Variants in CCDC73 observed in about 807,000 individuals in gnomAD.
CCDC73 encodes the protein coiled-coil domain-containing protein 73.
CCDC73 carries 95 observed loss-of-function variants against 116.5 expected under a neutral mutation model. The ratio of observed to expected loss-of-function variants is 0.82; its 90% CI spans 0.69 to 0.97. The LOEUF (loss-of-function observed/expected upper bound fraction) is 0.97. Ranked by LOEUF, CCDC73 falls within the 50% of genes least tolerant of loss-of-function variation. The pLI, the probability that CCDC73 is intolerant of heterozygous loss-of-function variation, is 0.00. For synonymous variants in CCDC73, 398 were observed against 401.3 expected (o/e 0.99, Z 0.10); for missense variants, 1,066 against 1,206.8 (o/e 0.88, Z 1.73).
At chr11:32,662,848 T>G (rs1855943704) in intron 9 of CCDC73, among the ~76,000 whole-genome samples, 1 of 152,198 alleles carries the variant, frequency 6.6e-6, no homozygotes, top group Non-Finnish European at 1.5e-5. Flanking sequence ...TTAATCCATC[T>G]TGAATTAATT....
intron 1 of CCDC73, among the ~76,000 whole-genome samples, chr11:32,764,758 T>C (rs188822977): frequency 6.6e-6 from 1 of 152,204 alleles, no homozygotes; most frequent in East Asian, 1.9e-4. Context: ...AATTCACACA[T>C]AACAATATTA....
chr11:32,652,400 C>T (rs984649863), intron 12 of CCDC73, among the ~76,000 whole-genome samples: 3 of 152,134 alleles, frequency 2.0e-5, no homozygotes, highest in Non-Finnish European at 2.9e-5. Flanking sequence ...TCACATTTTA[C>T]TTTACTGGTA....
intron 1 of CCDC73, among the ~76,000 whole-genome samples, chr11:32,773,738 T>C (rs1850509571): frequency 6.6e-6 from 1 of 151,386 alleles, no homozygotes; most frequent in African/African-American, 2.4e-5. Context: ...TATGATCGCA[T>C]TGCTGCCCTC....
intron 12 of CCDC73, among the ~76,000 whole-genome samples, chr11:32,650,842 T>C (rs1432342379): frequency 1.3e-5 from 2 of 152,198 alleles, no homozygotes; most frequent in East Asian, 3.9e-4. Flanking sequence ...TGATAGACTC[T>C]GCATAATTTG....
chr11:32,782,310 C>G (rs564473732), intron 1 of CCDC73, among the ~76,000 whole-genome samples: 1 of 152,314 alleles, frequency 6.6e-6, no homozygotes, highest in East Asian at 1.9e-4. Context: ...CCCCCAGCCC[C>G]AGTCTGTGGA....
At chr11:32,671,271 G>T (rs1055932349) in intron 9 of CCDC73, among the ~76,000 whole-genome samples, 1 of 151,988 alleles carries the variant, frequency 6.6e-6, no homozygotes, top group Non-Finnish European at 1.5e-5. Context: ...AACAGCAGAG[G>T]TTATGAATGC....
chr11:32,745,719 G>GTTTT (rs1156932040), intron 2 of CCDC73, among the ~76,000 whole-genome samples: 4 of 95,732 alleles, frequency 4.2e-5, no homozygotes, highest in African/African-American at 1.2e-4. Flanking sequence ...CCTGGTTTTT[G>GTTTT]TTTTTTTGTT....
chr11:32,687,167 C>A (rs543647306), intron 6 of CCDC73, among the ~76,000 whole-genome samples: 32 of 152,304 alleles, frequency 2.1e-4, no homozygotes, highest in African/African-American at 7.0e-4. Flanking sequence ...TTAAACAGTT[C>A]AGCTCTGAAG....
intron 2 of CCDC73, among the ~76,000 whole-genome samples, chr11:32,738,518 A>G (rs910389401): frequency 6.6e-6 from 1 of 152,044 alleles, no homozygotes; most frequent in African/African-American, 2.4e-5. Context: ...AGAAATATTC[A>G]GATCTTTTGC....
chr11:32,706,025 A>AAG (rs141988377), intron 3 of CCDC73, among the ~76,000 whole-genome samples: 1 of 151,910 alleles, frequency 6.6e-6, no homozygotes, highest in African/African-American at 2.4e-5. Context: ...AAAAAAAAAA[A>AAG]AGAATGAAAA....
At chr11:32,719,327 C>CA (rs1456587198) in intron 2 of CCDC73, among the ~76,000 whole-genome samples, 1 of 152,176 alleles carries the variant, frequency 6.6e-6, no homozygotes, top group Non-Finnish European at 1.5e-5. Context: ...AGCCCTTCTG[C>CA]AAAATCTAGG....
intron 3 of CCDC73, among the ~76,000 whole-genome samples, chr11:32,716,595 C>T (rs952769810): frequency 6.6e-6 from 1 of 152,168 alleles, no homozygotes; most frequent in Admixed American, 6.5e-5. Context: ...CAGAGCCTCG[C>T]TCTGCACCCA....
chr11:32,714,080 G>T (rs974893637), intron 3 of CCDC73, among the ~76,000 whole-genome samples: 4 of 151,930 alleles, frequency 2.6e-5, no homozygotes, highest in African/African-American at 7.3e-5. Context: ...CCAGGGACAG[G>T]GTTACTCATT....
chr11:32,657,269 G>C (rs1157784970), intron 9 of CCDC73, among the ~76,000 whole-genome samples: 3 of 152,154 alleles, frequency 2.0e-5, no homozygotes, highest in African/African-American at 7.2e-5. Flanking sequence ...CCAGGAGAAA[G>C]GACTCATTGG....
At chr11:32,722,065 T>C (rs1339524569) in intron 2 of CCDC73, among the ~76,000 whole-genome samples, 1 of 152,180 alleles carries the variant, frequency 6.6e-6, no homozygotes, top group South Asian at 2.1e-4. Flanking sequence ...GGAGTTAGCA[T>C]CTCACATGAA....
At chr11:32,638,122 A>C (rs1217457535) in intron 13 of CCDC73, among the ~76,000 whole-genome samples, 1 of 152,192 alleles carries the variant, frequency 6.6e-6, no homozygotes, top group African/African-American at 2.4e-5. Context: ...TACTTCCAAA[A>C]TTCATCCTGC....
intron 1 of CCDC73, among the ~76,000 whole-genome samples, chr11:32,792,892 T>C (rs538035171): frequency 6.6e-6 from 1 of 152,252 alleles, no homozygotes; most frequent in Admixed American, 6.5e-5. Flanking sequence ...CGGTACAGGG[T>C]TTGGGGTTTG....
At chr11:32,766,442 T>C (rs1850442834) in intron 1 of CCDC73, among the ~76,000 whole-genome samples, 4 of 152,172 alleles carry the variant, frequency 2.6e-5, no homozygotes, top group South Asian at 4.1e-4. Flanking sequence ...AACATAGTGT[T>C]GGAAGTTCTG....
chr11:32,751,356 G>A (rs989701312), intron 2 of CCDC73, among the ~76,000 whole-genome samples: 2 of 152,252 alleles, frequency 1.3e-5, no homozygotes, highest in East Asian at 1.9e-4. Context: ...CAATGGCTCC[G>A]AGACCAGTCC....
Sources: gnomAD v4.1 joint callset for allele counts (sites outside exome capture counted in the v4.1 genomes callset) on GRCh38, gnomAD v4.1.1 for gene constraint, MANE v1.5 for transcripts, NCBI Gene and HGNC (gene_info 2026-07-23, HGNC 2026-07-21) for gene names.